The following PDE4D variants were observed in gnomAD, a reference collection of about 807,000 sequenced individuals.
PDE4D encodes the protein phosphodiesterase 4D.
A neutral mutation model predicts 87.4 loss-of-function variants in PDE4D; 24 were observed. That is an observed-to-expected ratio of 0.27 (90% CI 0.20 to 0.39). The LOEUF (loss-of-function observed/expected upper bound fraction) is 0.39. PDE4D is among the 10% of genes least tolerant of loss of function. PDE4D has a pLI of 1.00. For missense variants in PDE4D, 714 were observed against 1,041.0 expected, an observed-to-expected ratio of 0.69 and a Z score of 4.32; for synonymous variants, 384 against 383.2, an observed-to-expected ratio of 1.00 and a Z score of -0.02.
intron 1 of PDE4D, among the ~76,000 whole-genome samples, chr5:60,435,551 G>A (rs1028909225): frequency 6.6e-6 from 1 of 152,006 alleles, no homozygotes; most frequent in South Asian, 2.1e-4. Context: ...GAAGTCTATG[G>A]AGCATGTAGC....
intron 1 of PDE4D, among the ~76,000 whole-genome samples, chr5:60,385,854 C>G (rs1762156899): frequency 6.6e-6 from 1 of 152,146 alleles, no homozygotes; most frequent in South Asian, 2.1e-4. Context: ...AGATCTCTTT[C>G]TCTCTCAAGA....
chr5:59,465,089 A>G (rs1020448250), intron 1 of PDE4D, among the ~76,000 whole-genome samples: 1 of 152,088 alleles, frequency 6.6e-6, no homozygotes, highest in Non-Finnish European at 1.5e-5. Context: ...TAATATGTCT[A>G]TAAGGTTTTG....
intron 1 of PDE4D, among the ~76,000 whole-genome samples, chr5:60,286,572 A>C (rs1165294244): frequency 6.6e-6 from 1 of 152,164 alleles, no homozygotes; most frequent in African/African-American, 2.4e-5. Context: ...TTATTTTTGA[A>C]ACTCCAGCCC....
At chr5:58,977,810 CAT>C (rs1396697688) in intron 11 of PDE4D, among the ~76,000 whole-genome samples, 2 of 152,300 alleles carry the variant, frequency 1.3e-5, no homozygotes, top group African/African-American at 4.8e-5. Context: ...AATAAGGAAT[CAT>C]ATGAACAAGT....
chr5:60,268,623 G>A (rs1583262552), intron 1 of PDE4D, among the ~76,000 whole-genome samples: 1 of 152,312 alleles, frequency 6.6e-6, no homozygotes, highest in South Asian at 2.1e-4. Context: ...GCCTCCTGTG[G>A]GAGAGCAGGC....
rs542298758 is a variant in PDE4D at position 60,314,136 on chromosome 5, G to C, written c.-89-128449C>G. The stretch of plus-strand genomic sequence containing the variant: ...AATAAAAGGCATCCAAATAAGAACA[G>C]AGGAAGTCAAACTATCTGTATGCAG... On this transcript the variant is annotated intron_variant, in intron 1 of 16. Coordinates refer to the PDE4D transcript ENST00000502484. Among the ~76,000 whole-genome samples the C allele has an allele frequency of 2.6e-5, 4 of 151,594 alleles. No homozygotes were observed. The East Asian group carries it at 7.7e-4, about 29-fold the overall frequency.
At chr5:60,384,793 G>T (rs1383008505) in intron 1 of PDE4D, among the ~76,000 whole-genome samples, 1 of 152,088 alleles carries the variant, frequency 6.6e-6, no homozygotes. Context: ...TCCAAACTGG[G>T]GTGTCGCAAC....
intron 1 of PDE4D, among the ~76,000 whole-genome samples, chr5:59,572,197 G>T (rs577730256): frequency 5.3e-5 from 8 of 152,248 alleles, no homozygotes; most frequent in South Asian, 4.2e-4. Flanking sequence ...ATTACAAAAG[G>T]TTGTATCACC....
At chr5:60,262,810 A>G (rs1211007308) in intron 1 of PDE4D, among the ~76,000 whole-genome samples, 1 of 152,060 alleles carries the variant, frequency 6.6e-6, no homozygotes, top group Non-Finnish European at 1.5e-5. Context: ...GTATTGTTTC[A>G]CACTAAGGGT....
At chr5:59,878,594 T>C (rs983429364) in intron 1 of PDE4D, among the ~76,000 whole-genome samples, 4 of 152,184 alleles carry the variant, frequency 2.6e-5, no homozygotes, top group African/African-American at 9.6e-5. Flanking sequence ...ATTACAGGTA[T>C]GAGCAACCAT....
chr5:59,095,587 T>C (rs1401135122), intron 5 of PDE4D, among the ~76,000 whole-genome samples: 2 of 152,194 alleles, frequency 1.3e-5, no homozygotes, highest in East Asian at 1.9e-4. Context: ...CATCTCATTA[T>C]TGCTGGCTGC....
At chr5:59,988,752 A>C in intron 2 of PDE4D, 1 of 1,159,660 alleles carries the variant, frequency 8.6e-7, no homozygotes, top group African/African-American at 1.5e-5. Context: ...CATATAATCA[A>C]CAAAAATCAC....
chr5:60,513,961 A>T (rs1349427367), intron 1 of PDE4D, among the ~76,000 whole-genome samples: 3 of 151,202 alleles, frequency 2.0e-5, no homozygotes, highest in African/African-American at 7.3e-5. Flanking sequence ...AGTCCAAAGA[A>T]AAAGAAGAAA....
intron 1 of PDE4D, among the ~76,000 whole-genome samples, chr5:59,765,555 G>A (rs1235016588): frequency 3.3e-5 from 5 of 152,190 alleles, no homozygotes; most frequent in Admixed American, 3.3e-4. Context: ...CCAGCCAGAA[G>A]AAAACGAGTA....
rs555673495 is a variant in PDE4D at position 59,325,377 on chromosome 5, G to A, written c.456-109409C>T. Among the ~76,000 whole-genome samples, 4 of 152,246 alleles carry A rather than the reference G, an allele frequency of 2.6e-5. No homozygotes were observed. The South Asian group carries it at 8.3e-4, about 32-fold the overall frequency. On this transcript the variant is annotated intron_variant, in intron 1 of 14. Coordinates refer to ENST00000340635, the MANE Select transcript of PDE4D (RefSeq NM_001104631.2). ...TATCTTTGCTTCTGCAGAATATCTT[G>A]TTAGAAACAGGAATTTCAAGAATAG...
At position 59,039,172 on chromosome 5, in the gene PDE4D, G is replaced by A. The variant is rs539287979; in HGVS notation, c.809-201C>T. 249 of 1,361,962 alleles carry A rather than the reference G, an allele frequency of 1.8e-4. 2 individuals carry two copies. The South Asian group carries it at 3.8e-3, about 21-fold the overall frequency. The allele number at this position is 1,361,962 out of a possible 1,614,324, so 84.4% of individuals were successfully genotyped here. ...CTCGCGGGGCGGCCGGCCTCGGGGAGGCACGGTCTCTCCAGCTTGGCGTCT... is the reference window on the plus strand; with the variant it reads ...CTCGCGGGGCGGCCGGCCTCGGGGAAGCACGGTCTCTCCAGCTTGGCGTCT... On this transcript the variant is annotated intron_variant, in intron 5 of 14. Transcript: ENST00000340635.
chr5:60,385,819 A>T (rs1164379060), intron 1 of PDE4D, among the ~76,000 whole-genome samples: 3 of 152,162 alleles, frequency 2.0e-5, no homozygotes, highest in Non-Finnish European at 4.4e-5. Context: ...GGAATACACC[A>T]ACTTTTTAGG....
At chr5:60,408,064 C>G (rs1194076882) in intron 1 of PDE4D, among the ~76,000 whole-genome samples, 1 of 152,126 alleles carries the variant, frequency 6.6e-6, no homozygotes, top group Non-Finnish European at 1.5e-5. Context: ...TGTAAGGACA[C>G]TAAGCCACAC....
intron 1 of PDE4D, among the ~76,000 whole-genome samples, chr5:59,642,655 G>A (rs1384761344): frequency 1.3e-5 from 2 of 152,150 alleles, no homozygotes; most frequent in Admixed American, 1.3e-4. Context: ...CGGCCATGTG[G>A]AACTGTAAAT....
Sources: gnomAD v4.1 joint callset for allele counts (sites outside exome capture counted in the v4.1 genomes callset) on GRCh38, gnomAD v4.1.1 for gene constraint, MANE v1.5 for transcripts, NCBI Gene and HGNC (gene_info 2026-07-23, HGNC 2026-07-21) for gene names.